The following GIGYF2 variants were observed in gnomAD, a reference collection of about 807,000 sequenced individuals.
GIGYF2 encodes GRB10 interacting GYF protein 2.
A neutral mutation model predicts 208.1 loss-of-function variants in GIGYF2; 25 were observed. That is an observed-to-expected ratio of 0.12 (90% CI 0.09 to 0.17). The LOEUF is 0.17. Among genes scored for constraint, GIGYF2 ranks in the 10% least tolerant of loss-of-function variants. The pLI is 1.00. For missense variants in GIGYF2, 1,302 were observed against 1,579.4 expected (o/e 0.82, Z 2.98); for synonymous variants, 534 against 543.8 (o/e 0.98, Z 0.25).
intron 22 of GIGYF2, among the ~76,000 whole-genome samples, chr2:232,835,560 T>C (rs1701559426): frequency 6.6e-6 from 1 of 152,208 alleles, no homozygotes; most frequent in African/African-American, 2.4e-5. Context: ...AGCTGGACTT[T>C]TTGATAATGT....
At chr2:232,758,752 A>G (rs1698636968) in intron 6 of GIGYF2, among the ~76,000 whole-genome samples, 1 of 152,194 alleles carries the variant, frequency 6.6e-6, no homozygotes, top group African/African-American at 2.4e-5. Context: ...CTGGAATAAA[A>G]CATTTTCTTC....
intron 27 of GIGYF2, among the ~76,000 whole-genome samples, chr2:232,849,846 CA>C (rs1690244366): frequency 6.6e-6 from 1 of 152,174 alleles, no homozygotes. Context: ...GGTAATATGC[CA>C]CCCCTGTCCT....
At position 232,850,106 on chromosome 2, in the gene GIGYF2, G is replaced by A. The variant is rs74952427; in HGVS notation, c.3685-156G>A. Among the ~76,000 whole-genome samples, 519 of 152,286 alleles carry A rather than the reference G, an allele frequency of 3.4e-3. 5 individuals carry two copies. Among genetic ancestry groups the A allele is most frequent in the African/African-American group, 0.012 (501 of 41,554 alleles). Reference sequence around the variant, plus strand: ...AGAGGAAAATGGTGGCTCAGTGGCCGCTCTTGATTTTATTATTAGAACATG... The same window carrying A: ...AGAGGAAAATGGTGGCTCAGTGGCCACTCTTGATTTTATTATTAGAACATG... On this transcript the variant is annotated intron_variant, in intron 27 of 28. Transcript: ENST00000373563.
At chr2:232,790,193 TTAA>T (rs1291004512) in intron 9 of GIGYF2, among the ~76,000 whole-genome samples, 10 of 152,176 alleles carry the variant, frequency 6.6e-5, no homozygotes, top group African/African-American at 2.4e-4. Context: ...GAACCTGGCA[TTAA>T]TAAATAGTCA....
intron 28 of GIGYF2, among the ~76,000 whole-genome samples, chr2:232,856,195 A>G (rs187394133): frequency 3.4e-4 from 51 of 152,196 alleles, no homozygotes; most frequent in Admixed American, 3.1e-3. Context: ...GGCCTCCCAA[A>G]GTGCTGAGAT....
At position 232,716,505 on chromosome 2, in the gene GIGYF2, T is replaced by C. The variant is rs546346299; in HGVS notation, c.-44+13016T>C. On this transcript the variant is annotated intron_variant, in intron 2 of 28. Transcript: ENST00000373563. ...GCAATCCTCATGCCTCAGTCATCCCTACTAGCTGGGATTGCAGGCATGTGC... is the reference window on the plus strand; with the variant it reads ...GCAATCCTCATGCCTCAGTCATCCCCACTAGCTGGGATTGCAGGCATGTGC... Among the ~76,000 whole-genome samples the C allele has an allele frequency of 5.4e-5, 8 of 149,262 alleles. No individual in the cohort carries two copies. The South Asian group carries it at 1.5e-3, about 29-fold the overall frequency.
At chr2:232,747,518 T>C (rs977271587) in intron 3 of GIGYF2, 97 bp from the exon 4 acceptor site, 2 of 1,334,334 alleles carry the variant, frequency 1.5e-6, no homozygotes, top group African/African-American at 2.9e-5. Context: ...CTTTTTGCTC[T>C]TCTAAAGAAC....
chr2:232,831,646 G>A (rs975715660), intron 21 of GIGYF2, among the ~76,000 whole-genome samples: 2 of 152,198 alleles, frequency 1.3e-5, no homozygotes, highest in Non-Finnish European at 2.9e-5. Context: ...CCATCAGCCT[G>A]TTGTACACTT....
At chr2:232,720,655 C>T (rs1163046033) in intron 2 of GIGYF2, among the ~76,000 whole-genome samples, 4 of 151,176 alleles carry the variant, frequency 2.6e-5, no homozygotes, top group South Asian at 2.1e-4. Context: ...AGTGCAATGG[C>T]GTGATCTCAG....
intron 18 of GIGYF2, among the ~76,000 whole-genome samples, chr2:232,814,487 C>A (rs1234040837): frequency 1.4e-5 from 2 of 145,716 alleles, no homozygotes; most frequent in South Asian, 4.3e-4. Context: ...CGCTTGAACC[C>A]TGGAGGCGGA....
intron 21 of GIGYF2, chr2:232,828,724 C>G (rs1282940250): frequency 6.6e-6 from 1 of 151,982 alleles, no homozygotes; most frequent in Non-Finnish European, 1.5e-5. Flanking sequence ...GTATACAACC[C>G]CCCACTGCTG....
intron 8 of GIGYF2, among the ~76,000 whole-genome samples, chr2:232,772,042 T>A (rs1028128527): frequency 2.6e-5 from 4 of 152,222 alleles, no homozygotes; most frequent in African/African-American, 9.6e-5. Flanking sequence ...TGGAGTGCAG[T>A]GGCACAATCA....
chr2:232,739,470 C>T (rs565924046), intron 3 of GIGYF2, among the ~76,000 whole-genome samples: 4 of 144,702 alleles, frequency 2.8e-5, no homozygotes, highest in African/African-American at 1.0e-4. Flanking sequence ...CCCAGAAGTT[C>T]GAAACAAGCC....
At chr2:232,796,007 A>G in intron 13 of GIGYF2, 55 bp from the exon 14 acceptor site, 1 of 1,286,756 alleles carries the variant, frequency 7.8e-7, no homozygotes, top group Non-Finnish European at 1.1e-6. Context: ...TATTATGTGT[A>G]CAAGTACTAA....
At chr2:232,736,053 A>C (rs149564827) in intron 3 of GIGYF2, 22 of 975,588 alleles carry the variant, frequency 2.3e-5, no homozygotes, top group Non-Finnish European at 2.6e-5. Flanking sequence ...TAGTAACTCT[A>C]TTTGAGGAGT....
intron 22 of GIGYF2, among the ~76,000 whole-genome samples, chr2:232,834,368 T>A (rs1701516970): frequency 6.6e-6 from 1 of 152,086 alleles, no homozygotes; most frequent in South Asian, 2.1e-4. Context: ...CCTCTAAGGG[T>A]GGAACTGAGA....
intron 2 of GIGYF2, chr2:232,722,484 A>G (rs750996965): frequency 6.6e-6 from 1 of 152,174 alleles, no homozygotes; most frequent in Non-Finnish European, 1.5e-5. Flanking sequence ...AGGGATTACA[A>G]TTCAAGATGA....
chr2:232,726,812 A>G (rs549556263), intron 2 of GIGYF2, among the ~76,000 whole-genome samples: 2 of 152,342 alleles, frequency 1.3e-5, no homozygotes, highest in South Asian at 4.1e-4. Flanking sequence ...TCAATTTTCT[A>G]TAAAGAAATC....
intron 2 of GIGYF2, among the ~76,000 whole-genome samples, chr2:232,703,753 G>C (rs953510781): frequency 6.6e-6 from 1 of 152,160 alleles, no homozygotes; most frequent in Non-Finnish European, 1.5e-5. Flanking sequence ...TTGGAGGCAG[G>C]AGTACTGTAA....
Sources: gnomAD v4.1 joint callset for allele counts (sites outside exome capture counted in the v4.1 genomes callset) on GRCh38, gnomAD v4.1.1 for gene constraint, MANE v1.5 for transcripts, NCBI Gene and HGNC (gene_info 2026-07-23, HGNC 2026-07-21) for gene names.